Variants in KLHL1 observed in about 807,000 individuals in gnomAD.
KLHL1 encodes the protein kelch like family member 1.
Under a neutral mutation model 77.7 loss-of-function variants are expected in KLHL1, and 47 were observed. The observed-to-expected ratio is 0.60, with a 90% CI of 0.48 to 0.77. The LOEUF (loss-of-function observed/expected upper bound fraction) is 0.77. KLHL1 is among the 30% of genes least tolerant of loss of function. The pLI, the probability that KLHL1 is intolerant of heterozygous loss-of-function variation, is 0.00. For synonymous variants in KLHL1, 360 were observed against 325.2 expected, an observed-to-expected ratio of 1.11 and a Z score of -1.15; for missense variants, 925 against 910.8, an observed-to-expected ratio of 1.02 and a Z score of -0.20.
At chr13:70,006,605 T>C (rs777361923) in intron 1 of KLHL1, among the ~76,000 whole-genome samples, 2 of 151,786 alleles carry the variant, frequency 1.3e-5, no homozygotes, top group African/African-American at 2.4e-5. Context: ...GGGCTTTCAT[T>C]GTTAAGTGGC....
In KLHL1 at chr13:69,908,052, T is replaced by C. The variant is rs536486125; in HGVS notation, c.1015-25557A>G. Among the ~76,000 whole-genome samples, 9 of 152,152 alleles carry C rather than the reference T, an allele frequency of 5.9e-5. No individual in the cohort carries two copies. The South Asian group carries it at 1.5e-3, about 25-fold the overall frequency. ...CAAGATAATTACTTTAATTAGAATATACTAAATATCAGTAGTTGTCATATA... is the reference window on the plus strand; with the variant it reads ...CAAGATAATTACTTTAATTAGAATACACTAAATATCAGTAGTTGTCATATA... On this transcript the variant is annotated intron_variant, in intron 4 of 10. Coordinates refer to ENST00000377844, the MANE Select transcript of KLHL1 (RefSeq NM_020866.3).
At chr13:69,817,792 T>G (rs539194331) in intron 6 of KLHL1, among the ~76,000 whole-genome samples, 1 of 152,184 alleles carries the variant, frequency 6.6e-6, no homozygotes, top group African/African-American at 2.4e-5. Flanking sequence ...TCAAAAAGAA[T>G]GTACTGAGTA....
chr13:69,847,545 G>GA (rs1226056944), intron 5 of KLHL1, among the ~76,000 whole-genome samples: 11 of 151,296 alleles, frequency 7.3e-5, no homozygotes, highest in Non-Finnish European at 1.5e-4. Context: ...AATACTTAAA[G>GA]AAAAATAAGT....
intron 4 of KLHL1, among the ~76,000 whole-genome samples, chr13:69,938,268 C>A (rs1259085134): frequency 6.6e-6 from 1 of 152,024 alleles, no homozygotes; most frequent in African/African-American, 2.4e-5. Context: ...AATACCAGAG[C>A]ATCACATTTT....
At chr13:70,026,949 C>A (rs897838789) in intron 1 of KLHL1, among the ~76,000 whole-genome samples, 2 of 151,930 alleles carry the variant, frequency 1.3e-5, no homozygotes, top group Admixed American at 6.6e-5. Context: ...TGTGTATGTT[C>A]CTTCAATTTT....
intron 1 of KLHL1, among the ~76,000 whole-genome samples, chr13:70,101,004 A>T (rs1302539747): frequency 6.6e-6 from 1 of 152,190 alleles, no homozygotes; most frequent in Non-Finnish European, 1.5e-5. Context: ...TTGGTCAAAA[A>T]TAACCAAAAT....
At chr13:69,981,526 A>T (rs1400413754) in intron 1 of KLHL1, among the ~76,000 whole-genome samples, 1 of 152,074 alleles carries the variant, frequency 6.6e-6, no homozygotes, top group African/African-American at 2.4e-5. Context: ...AGATGACTTT[A>T]TTTAAGGGAA....
intron 7 of KLHL1, among the ~76,000 whole-genome samples, chr13:69,748,672 T>C (rs111907404): frequency 4.2e-4 from 64 of 152,140 alleles, no homozygotes; most frequent in Middle Eastern, 3.4e-3. Flanking sequence ...TTAAAGAGTA[T>C]ATAACTCATA....
At chr13:69,714,377 TA>T in intron 9 of KLHL1, among the ~76,000 whole-genome samples, 1 of 152,072 alleles carries the variant, frequency 6.6e-6, no homozygotes, top group Non-Finnish European at 1.5e-5. Context: ...AATAAACCTT[TA>T]AAAATTATCT....
intron 1 of KLHL1, among the ~76,000 whole-genome samples, chr13:70,100,959 C>T (rs1593744522): frequency 6.6e-6 from 1 of 152,114 alleles, no homozygotes; most frequent in African/African-American, 2.4e-5. Context: ...ACATATGCTA[C>T]AGATAACAGT....
At chr13:69,968,379 A>T (rs1405812746) in intron 2 of KLHL1, among the ~76,000 whole-genome samples, 1 of 149,716 alleles carries the variant, frequency 6.7e-6, no homozygotes, top group Non-Finnish European at 1.5e-5. Flanking sequence ...ATAAATATAC[A>T]TATATAATAT....
At chr13:70,048,786 A>C (rs901401970) in intron 1 of KLHL1, among the ~76,000 whole-genome samples, 4 of 152,198 alleles carry the variant, frequency 2.6e-5, no homozygotes, top group African/African-American at 9.6e-5. Flanking sequence ...TTACTAGCCC[A>C]CTACTCACCT....
chr13:69,906,353 T>C (rs1882043946), intron 4 of KLHL1, among the ~76,000 whole-genome samples: 1 of 152,020 alleles, frequency 6.6e-6, no homozygotes, highest in Non-Finnish European at 1.5e-5. Flanking sequence ...GGGACAGTTA[T>C]AAGAAGAATC....
chr13:69,983,773 T>C (rs577543508), intron 1 of KLHL1, among the ~76,000 whole-genome samples: 2 of 151,826 alleles, frequency 1.3e-5, no homozygotes. Context: ...ATTTCAAAAA[T>C]AAATAAATAA....
At position 69,913,839 on chromosome 13, in the gene KLHL1, T is replaced by C. The variant is rs538742890; in HGVS notation, c.1014+26201A>G. 2.0e-4 allele frequency among the ~76,000 whole-genome samples: 31 copies of C among 152,136 alleles called. No individual in the cohort carries two copies. In the South Asian group the frequency reaches 5.6e-3, roughly 28 times the overall value. ...AATCCTGAGTGTCAGCTTGATTAGA[T>C]TGAAGGATGCAAAGTACTTTTCCTG... On this transcript the variant is annotated intron_variant, in intron 4 of 10. Coordinates refer to ENST00000377844, the MANE Select transcript of KLHL1 (RefSeq NM_020866.3).
chr13:70,051,165 A>G (rs1886620983), intron 1 of KLHL1, among the ~76,000 whole-genome samples: 1 of 152,036 alleles, frequency 6.6e-6, no homozygotes, highest in African/African-American at 2.4e-5. Flanking sequence ...GTTTTCACAC[A>G]AAATTTGGAG....
At chr13:69,884,364 C>T (rs770099968) in intron 4 of KLHL1, among the ~76,000 whole-genome samples, 11 of 150,912 alleles carry the variant, frequency 7.3e-5, no homozygotes, top group Non-Finnish European at 1.2e-4. Context: ...ATTATAGATG[C>T]CCATAACTGT....
At chr13:69,760,692 C>T (rs1175833843) in intron 7 of KLHL1, among the ~76,000 whole-genome samples, 1 of 152,066 alleles carries the variant, frequency 6.6e-6, no homozygotes, top group Non-Finnish European at 1.5e-5. Flanking sequence ...GTCACTTAAG[C>T]AGTTTATCTG....
At chr13:70,095,832 C>CG (rs1203120424) in intron 1 of KLHL1, among the ~76,000 whole-genome samples, 1 of 151,838 alleles carries the variant, frequency 6.6e-6, no homozygotes, top group African/African-American at 2.4e-5. Flanking sequence ...TCCCTCCACC[C>CG]CCCCCACCAC....
Sources: gnomAD v4.1 joint callset for allele counts (sites outside exome capture counted in the v4.1 genomes callset) on GRCh38, gnomAD v4.1.1 for gene constraint, MANE v1.5 for transcripts, NCBI Gene and HGNC (gene_info 2026-07-23, HGNC 2026-07-21) for gene names.